Variants in ZMYM1 observed in about 807,000 individuals in gnomAD.
ZMYM1 encodes the protein zinc finger MYM-type protein 1.
Under a neutral mutation model 60.0 loss-of-function variants are expected in ZMYM1, and 39 were observed. The observed-to-expected ratio is 0.65, with a 90% CI of 0.50 to 0.85. The LOEUF (loss-of-function observed/expected upper bound fraction) is 0.85, where lower values mean the gene tolerates loss of function less well. Among genes scored for constraint, ZMYM1 ranks in the 40% least tolerant of loss-of-function variants. ZMYM1 has a pLI of 0.00. For missense variants in ZMYM1, 1,171 were observed against 1,309.5 expected (o/e 0.89, Z 1.63); for synonymous variants, 413 against 454.0 (o/e 0.91, Z 1.15).
chr1:35,073,564 A>C (rs1234567455), intron 1 of ZMYM1, among the ~76,000 whole-genome samples: 1 of 149,716 alleles, frequency 6.7e-6, no homozygotes, highest in African/African-American at 2.5e-5. Flanking sequence ...CAAGAAAGAA[A>C]GGAAAGAAAA....
chr1:35,110,925 C>T (rs1466324960), intron 7 of ZMYM1, among the ~76,000 whole-genome samples: 1 of 151,968 alleles, frequency 6.6e-6, no homozygotes, highest in Non-Finnish European at 1.5e-5. Context: ...CAGAGTGAGA[C>T]TCCATCTCAA....
Position 35,113,816 on chromosome 1 carries a change from T to G in ZMYM1, c.1986T>G (p.Cys662Trp), listed in dbSNP as rs777955053. The part of the protein sequence containing the change: ...NSAMKEQLSI[C>W]VRYPQKSSKA... The stretch of plus-strand genomic sequence containing the variant: ...CCATGAAAGAACAGCTTTCAATTTG[T>G]GTAAGATACCCACAAAAATCATCAA... Residue 662 changes from cysteine to tryptophan, a missense_variant, in exon 10 of 10, where the codon TGT becomes TGG. Coordinates refer to ENST00000359858, the MANE Select transcript of ZMYM1 (RefSeq NM_024772.5). 73 of 1,613,712 alleles carry G rather than the reference T, an allele frequency of 4.5e-5. No homozygotes were observed. Among genetic ancestry groups the G allele is most frequent in the Non-Finnish European group, 5.9e-5 (70 of 1,179,854 alleles).
At position 35,111,819 on chromosome 1, in the gene ZMYM1, C is replaced by G; in HGVS notation, c.1009C>G (p.Pro337Ala). ...TGATACTTCAACAGAGCTTCTTTCT[C>G]CAAAGAAAGATACGACTCCAGTTAT... ...VHDTSTELLS[P>A]KKDTTPVISN... The change falls in exon 8 of 10, where the codon CCA becomes GCA. Residue 337 changes from proline to alanine, a missense_variant. Physicochemically the swap from Pro to Ala is conservative, Grantham distance 27. Coordinates refer to ENST00000359858, the MANE Select transcript of ZMYM1 (RefSeq NM_024772.5). The G allele has an allele frequency of 6.2e-7, 1 of 1,606,914 alleles. No individual in the cohort carries two copies. The highest frequency in any genetic ancestry group is 8.5e-7 in the Non-Finnish European group (1 of 1,175,398).
chr1:35,074,473 G>A (rs549436568), upstream of ZMYM1, among the ~76,000 whole-genome samples: 92 of 150,666 alleles, frequency 6.1e-4, 1 homozygote, highest in South Asian at 0.017. Context: ...CAGTGGCGCC[G>A]TCTTGGCTCA....
At chr1:35,091,106 G>A (rs1356804000) in intron 1 of ZMYM1, among the ~76,000 whole-genome samples, 1 of 152,152 alleles carries the variant, frequency 6.6e-6, no homozygotes, top group Non-Finnish European at 1.5e-5. Context: ...TGTAAAACAG[G>A]TTTGTGGGGG....
intron 1 of ZMYM1, among the ~76,000 whole-genome samples, chr1:35,063,826 G>T (rs75317207): frequency 6.6e-6 from 1 of 152,146 alleles, no homozygotes; most frequent in Non-Finnish European, 1.5e-5. Context: ...GTTCTATCAG[G>T]AAAGAAATAT....
intron 2 of ZMYM1, among the ~76,000 whole-genome samples, chr1:35,094,356 T>A (rs1416966452): frequency 6.6e-6 from 1 of 152,218 alleles, no homozygotes; most frequent in African/African-American, 2.4e-5. Context: ...TAACACTTTT[T>A]TTCTTTTGCC....
intron 1 of ZMYM1, among the ~76,000 whole-genome samples, chr1:35,072,535 C>A (rs988163598): frequency 7.5e-5 from 11 of 147,478 alleles, no homozygotes; most frequent in Non-Finnish European, 1.5e-4. Context: ...TTTTTTTTAG[C>A]CTCTATGTTT....
At chr1:35,062,369 C>T (rs977481163) in intron 1 of ZMYM1, among the ~76,000 whole-genome samples, 8 of 152,208 alleles carry the variant, frequency 5.3e-5, no homozygotes, top group Admixed American at 5.2e-4. Flanking sequence ...CAGGAGCAGA[C>T]CTGTCATGTA....
intron 1 of ZMYM1, among the ~76,000 whole-genome samples, chr1:35,085,293 C>T (rs1406313445): frequency 5.9e-5 from 9 of 152,202 alleles, no homozygotes; most frequent in Middle Eastern, 3.4e-3. Flanking sequence ...GTGATCCACC[C>T]GCCTCGGCCT....
chr1:35,079,656 C>T (rs1642261207), intron 1 of ZMYM1, among the ~76,000 whole-genome samples: 1 of 152,104 alleles, frequency 6.6e-6, no homozygotes, highest in Non-Finnish European at 1.5e-5. Context: ...ACCTTGCCCT[C>T]ATAGACTGGG....
At chr1:35,100,563 A>G (rs1643589420) in intron 4 of ZMYM1, among the ~76,000 whole-genome samples, 2 of 151,646 alleles carry the variant, frequency 1.3e-5, no homozygotes, top group Admixed American at 6.6e-5. Context: ...CGGAGGTTGC[A>G]GTGAGCTGAG....
intron 1 of ZMYM1, among the ~76,000 whole-genome samples, chr1:35,088,845 A>C (rs1642831053): frequency 1.6e-5 from 2 of 128,358 alleles, no homozygotes; most frequent in Non-Finnish European, 3.2e-5. Flanking sequence ...AGAGTCTCAC[A>C]CTCTTGCCTG....
At chr1:35,085,109 A>G (rs1021912635) in intron 1 of ZMYM1, among the ~76,000 whole-genome samples, 5 of 151,792 alleles carry the variant, frequency 3.3e-5, no homozygotes, top group Non-Finnish European at 7.4e-5. Context: ...GTGCAGTGGC[A>G]CTGTCTCAGC....
Position 35,114,362 on chromosome 1 carries a change from T to C in ZMYM1, c.2532T>C (p.Asp844=). Residue 844 remains aspartate, a synonymous_variant, in exon 10 of 10, where the codon GAT becomes GAC. Transcript: ENST00000359858. ...ATTCTTCAAATACAAGTTTCGCCGA[T>C]GAATTGAGTCATTTGCTGACATTGG... ...ASHSSNTSFA[D]ELSHLLTLVS... is the part of the protein sequence containing the mutation. The C allele has an allele frequency of 6.2e-7, 1 of 1,612,318 alleles. No individual in the cohort carries two copies. The highest frequency in any genetic ancestry group is 1.1e-5 in the South Asian group (1 of 90,450).
chr1:35,114,308 T>G lies in ZMYM1; in HGVS notation c.2478T>G (p.Ile826Met), dbSNP rs926093234. 6.2e-7 allele frequency: 1 copy of G among 1,613,724 alleles called. No individual in the cohort carries two copies. Among genetic ancestry groups the G allele is most frequent in the South Asian group, 1.1e-5 (1 of 91,006 alleles). ...CTGTGATTGACAGTCTTCCAGAGAT[T>G]ATTGAAACATTGGAAGTTATAGCAA... ...LLSVIDSLPE[I>M]IETLEVIASH... Residue 826 changes from isoleucine (I) to methionine (M), a missense_variant, in exon 10 of 10, where the codon ATT becomes ATG. Physicochemically the swap from Ile to Met is conservative, Grantham distance 10 (BLOSUM62 1). Transcript: ENST00000359858.
chr1:35,102,633 A>G (rs1217837910), intron 4 of ZMYM1, among the ~76,000 whole-genome samples: 7 of 152,210 alleles, frequency 4.6e-5, no homozygotes, highest in Non-Finnish European at 1.5e-5. Context: ...TTCATTTTCA[A>G]GAAAATATCT....
chr1:35,074,210 C>G (rs952054911), intron 1 of ZMYM1, among the ~76,000 whole-genome samples: 1 of 152,078 alleles, frequency 6.6e-6, no homozygotes, highest in Non-Finnish European at 1.5e-5. Context: ...TGATTTTATA[C>G]CATGTGGTCC....
chr1:35,109,167 G>C (rs536270583), intron 6 of ZMYM1, among the ~76,000 whole-genome samples: 3 of 151,578 alleles, frequency 2.0e-5, no homozygotes, highest in Non-Finnish European at 4.4e-5. Context: ...GACTACAGGC[G>C]CACGCCACCA....
Sources: gnomAD v4.1 joint callset for allele counts (sites outside exome capture counted in the v4.1 genomes callset) on GRCh38, gnomAD v4.1.1 for gene constraint, MANE v1.5 for transcripts, NCBI Gene and HGNC (gene_info 2026-07-23, HGNC 2026-07-21) for gene names.